SEMA5A: variants seen among roughly 807,000 people sequenced by gnomAD.
SEMA5A encodes the protein semaphorin-5A.
SEMA5A carries 55 observed loss-of-function variants against 135.5 expected under a neutral mutation model. The observed-to-expected ratio is 0.41, with a 90% CI of 0.33 to 0.51. The LOEUF (loss-of-function observed/expected upper bound fraction) is 0.51. SEMA5A is among the 20% of genes least tolerant of loss of function. SEMA5A has a pLI of 0.37. For synonymous variants in SEMA5A, 580 were observed against 546.5 expected, an observed-to-expected ratio of 1.06 and a Z score of -0.85; for missense variants, 1,290 against 1,419.9, an observed-to-expected ratio of 0.91 and a Z score of 1.47.
chr5:9,490,697 G>T (rs1320625835), intron 1 of SEMA5A, among the ~76,000 whole-genome samples: 1 of 152,158 alleles, frequency 6.6e-6, no homozygotes, highest in Non-Finnish European at 1.5e-5. Flanking sequence ...TGAGTATGTG[G>T]CCCTCTTCCC....
chr5:9,369,693 A>G (rs371755710), intron 3 of SEMA5A, among the ~76,000 whole-genome samples: 2 of 151,464 alleles, frequency 1.3e-5, no homozygotes, highest in Non-Finnish European at 2.9e-5. Flanking sequence ...CTTTCTGTTC[A>G]TTGCCTTATA....
intron 6 of SEMA5A, among the ~76,000 whole-genome samples, chr5:9,237,345 C>A (rs996342523): frequency 6.6e-6 from 1 of 152,138 alleles, no homozygotes; most frequent in East Asian, 1.9e-4. Flanking sequence ...ATAAACTGCA[C>A]ATTCTATAGG....
intron 6 of SEMA5A, among the ~76,000 whole-genome samples, chr5:9,233,486 T>C (rs1256392429): frequency 2.0e-5 from 3 of 152,088 alleles, no homozygotes; most frequent in East Asian, 3.9e-4. Context: ...CCCCATGGAA[T>C]ATTTAAGCCA....
intron 4 of SEMA5A, among the ~76,000 whole-genome samples, chr5:9,331,647 AT>A (rs1485309575): frequency 6.6e-6 from 1 of 152,214 alleles, no homozygotes; most frequent in Non-Finnish European, 1.5e-5. Context: ...TGGGAAGAAT[AT>A]TATAAAAGTT....
chr5:9,341,687 A>T (rs968514152), intron 3 of SEMA5A, among the ~76,000 whole-genome samples: 155 of 148,008 alleles, frequency 1.0e-3, no homozygotes, highest in Non-Finnish European at 1.4e-3. Context: ...TATATATATA[A>T]AATTGGAAGT....
At chr5:9,092,771 T>C (rs1739104981) in intron 16 of SEMA5A, among the ~76,000 whole-genome samples, 1 of 152,116 alleles carries the variant, frequency 6.6e-6, no homozygotes, top group African/African-American at 2.4e-5. Context: ...ATAAGAACAA[T>C]ATAATACACA....
rs144793478 is a variant in SEMA5A at position 9,060,523 on chromosome 5, A to G, written c.2518+2364T>C. Among the ~76,000 whole-genome samples, 29 of 152,190 alleles carry G rather than the reference A, an allele frequency of 1.9e-4. No individual in the cohort carries two copies. In the East Asian group the frequency reaches 5.6e-3, roughly 30 times the overall value. ...GGACCCGAATCTAGTGAGCTTGCCC[A>G]CAGGATTCCTCTCAGCCCCCAGAGG... On this transcript the variant is annotated intron_variant, in intron 18 of 22. Coordinates refer to ENST00000382496, the MANE Select transcript of SEMA5A (RefSeq NM_003966.3).
At chr5:9,154,151 A>G (rs536524873) in intron 12 of SEMA5A, among the ~76,000 whole-genome samples, 1 of 146,944 alleles carries the variant, frequency 6.8e-6, no homozygotes, top group South Asian at 2.2e-4. Context: ...ATATATATAC[A>G]TATATATAAG....
At chr5:9,253,589 T>C (rs1294581439) in intron 5 of SEMA5A, among the ~76,000 whole-genome samples, 1 of 152,204 alleles carries the variant, frequency 6.6e-6, no homozygotes, top group African/African-American at 2.4e-5. Context: ...CTATGGTGTT[T>C]TGACAAATAT....
At chr5:9,440,685 A>G (rs967598917) in intron 1 of SEMA5A, among the ~76,000 whole-genome samples, 3 of 152,212 alleles carry the variant, frequency 2.0e-5, no homozygotes, top group African/African-American at 7.2e-5. Context: ...ATTGAATACC[A>G]ATTATAACTT....
chr5:9,535,201 G>T (rs887689109), intron 1 of SEMA5A, among the ~76,000 whole-genome samples: 1 of 151,276 alleles, frequency 6.6e-6, no homozygotes, highest in African/African-American at 2.4e-5. Context: ...ACTGTTCAAA[G>T]TTAAGTAACA....
At chr5:9,538,453 C>T (rs1737901447) in intron 1 of SEMA5A, among the ~76,000 whole-genome samples, 2 of 152,158 alleles carry the variant, frequency 1.3e-5, no homozygotes, top group Admixed American at 1.3e-4. Context: ...AACTTCTCCC[C>T]CATCAAAGGA....
intron 5 of SEMA5A, among the ~76,000 whole-genome samples, chr5:9,276,374 G>A (rs12516923): frequency 0.38 from 58,200 of 151,910 alleles, 11,530 homozygotes; most frequent in East Asian, 0.48. Context: ...TGTGAAAATG[G>A]CCATACTGCC....
At chr5:9,431,828 A>G (rs920438227) in intron 2 of SEMA5A, among the ~76,000 whole-genome samples, 2 of 152,226 alleles carry the variant, frequency 1.3e-5, no homozygotes, top group Non-Finnish European at 2.9e-5. Context: ...GGTGTCTGAG[A>G]ATAAACAGCA....
chr5:9,273,491 C>A (rs913725729), intron 5 of SEMA5A, among the ~76,000 whole-genome samples: 1 of 151,986 alleles, frequency 6.6e-6, no homozygotes, highest in Admixed American at 6.6e-5. Flanking sequence ...ACAGAGAACA[C>A]CACAAAGATA....
Position 9,474,207 on chromosome 5 carries a change from A to C in SEMA5A, c.-174-36355T>G, listed in dbSNP as rs574813118. ...GATGATCAGATTGATCAGTGAGAGA[A>C]AGGATCTTACGTGGAGTCCGAGCAT... On this transcript the variant is annotated intron_variant, in intron 1 of 22. Transcript: ENST00000382496. Among the ~76,000 whole-genome samples, 5 of 152,296 alleles carry C rather than the reference A, an allele frequency of 3.3e-5. No homozygotes were observed. In the East Asian group the frequency reaches 9.7e-4, roughly 29 times the overall value.
At chr5:9,188,915 C>A (rs958323494) in intron 11 of SEMA5A, among the ~76,000 whole-genome samples, 1 of 152,226 alleles carries the variant, frequency 6.6e-6, no homozygotes, top group Non-Finnish European at 1.5e-5. Context: ...TTCCATCTGA[C>A]TTCGGCCAGT....
chr5:9,276,563 A>G (rs1750272837), intron 5 of SEMA5A, among the ~76,000 whole-genome samples: 1 of 152,208 alleles, frequency 6.6e-6, no homozygotes, highest in Non-Finnish European at 1.5e-5. Context: ...AATTCAAACT[A>G]TAATACAAGG....
intron 1 of SEMA5A, among the ~76,000 whole-genome samples, chr5:9,544,021 T>C (rs192788767): frequency 3.3e-5 from 5 of 152,320 alleles, no homozygotes; most frequent in African/African-American, 9.6e-5. Context: ...TCTAAAATAA[T>C]GAAACTGGCA....
Sources: allele counts gnomAD v4.1 joint callset (sites outside exome capture counted in the v4.1 genomes callset), GRCh38; gene constraint gnomAD v4.1.1; transcripts MANE v1.5; gene names NCBI Gene and HGNC (gene_info 2026-07-23, HGNC 2026-07-21).